Variants in PMPCB observed in about 807,000 individuals in gnomAD.
PMPCB encodes mitochondrial-processing peptidase subunit beta.
In PMPCB, 46 loss-of-function variants were observed where a neutral mutation model predicts 61.5. The ratio of observed to expected loss-of-function variants is 0.75; its 90% confidence interval spans 0.59 to 0.96. The LOEUF is 0.96. Among genes scored for constraint, PMPCB ranks in the 40% least tolerant of loss-of-function variants. The pLI is 0.00. For missense variants in PMPCB, 590 were observed against 602.4 expected (o/e 0.98, Z 0.22); for synonymous variants, 191 against 201.6 (o/e 0.95, Z 0.44).
At chr7:103,331,446 C>T (rs1818966254), downstream of PMPCB, among the ~76,000 whole-genome samples, 1 of 152,192 alleles carries the variant, frequency 6.6e-6, no homozygotes, top group Non-Finnish European at 1.5e-5. Context: ...CTACAGAACA[C>T]TGGGACTTAT....
chr7:103,318,588 CT>C (rs1202276601), downstream of PMPCB, among the ~76,000 whole-genome samples: 5 of 152,230 alleles, frequency 3.3e-5, no homozygotes, highest in African/African-American at 1.2e-4. Context: ...TCAGCATGTC[CT>C]TTGTGGTGCA....
chr7:103,313,180 T>C lies in PMPCB; in HGVS notation c.*909T>C. On this transcript the variant is annotated 3_prime_UTR_variant, in exon 13 of 13. Coordinates refer to ENST00000249269, the MANE Select transcript of PMPCB (RefSeq NM_004279.3). ...AGTCTTGTGGTCCACAAGTATTCGCTAAGTGCCCATTTCAATCTGGGATGT... is the reference window on the plus strand; with the variant it reads ...AGTCTTGTGGTCCACAAGTATTCGCCAAGTGCCCATTTCAATCTGGGATGT... 2 of 1,486,330 alleles carry C rather than the reference T, an allele frequency of 1.3e-6. No homozygotes were observed. Among genetic ancestry groups the C allele is most frequent in the South Asian group, 1.4e-5 (1 of 69,126 alleles). The allele number at this position is 1,486,330 out of a possible 1,614,324, so 92.1% of individuals were successfully genotyped here.
downstream of PMPCB, among the ~76,000 whole-genome samples, chr7:103,333,420 T>C (rs1424163190): frequency 2.0e-5 from 3 of 152,238 alleles, no homozygotes; most frequent in African/African-American, 7.2e-5. Context: ...ATAATTTTTA[T>C]TTCTGTCTAG....
chr7:103,298,758 A>G, intron 2 of PMPCB, 50 bp downstream of exon 2: 1 of 1,561,620 alleles, frequency 6.4e-7, no homozygotes, highest in Non-Finnish European at 8.7e-7. Context: ...TTAGCGTAGC[A>G]AATTGTTGAT....
chr7:103,335,050 T>G, the PMPCB span, among the ~76,000 whole-genome samples: 2 of 152,134 alleles, frequency 1.3e-5, no homozygotes, highest in Non-Finnish European at 1.5e-5. Flanking sequence ...GCCAGGCTGG[T>G]CTCGAACTCC....
In PMPCB at chr7:103,311,625, T is replaced by G. The variant is rs1817755008; in HGVS notation, c.1155-18T>G. On this transcript the variant is annotated intron_variant, in intron 9 of 12. Coordinates refer to ENST00000249269, the MANE Select transcript of PMPCB (RefSeq NM_004279.3). ...ATACAACATTTTCCAACTACTACTG[T>G]TTTTCCACGTTTTTTAGGATGCGAC... 4 of 1,599,734 alleles carry G rather than the reference T, an allele frequency of 2.5e-6. No individual in the cohort carries two copies. Among genetic ancestry groups the G allele is most frequent in the Non-Finnish European group, 3.4e-6 (4 of 1,169,792 alleles).
At chr7:103,301,906 C>T (rs927575878) in intron 4 of PMPCB, among the ~76,000 whole-genome samples, 1 of 152,056 alleles carries the variant, frequency 6.6e-6, no homozygotes, top group African/African-American at 2.4e-5. Context: ...CACCCGTTAA[C>T]TCGTCATTTA....
In PMPCB at chr7:103,313,964, C is replaced by A. The variant is rs921401240; in HGVS notation, c.*1693C>A. On this transcript the variant is annotated 3_prime_UTR_variant, in exon 13 of 13. Coordinates refer to ENST00000249269, the MANE Select transcript of PMPCB (RefSeq NM_004279.3). ...GCCTGACTACTACTAGAAACTGCGG[C>A]CTGTGAGATCTGTTAAAAGTTAAGC... 2.0e-6 allele frequency: 2 copies of A among 985,196 alleles called. No individual in the cohort carries two copies. The highest frequency in any genetic ancestry group is 2.4e-6 in the Non-Finnish European group (2 of 829,916). 61.0% of individuals were successfully genotyped at this position (985,196 alleles called of 1,614,324 possible).
chr7:103,307,720 C>T lies in PMPCB; in HGVS notation c.849+12C>T. The T allele has an allele frequency of 7.0e-7, 1 of 1,434,726 alleles. No individual in the cohort carries two copies. Among genetic ancestry groups the T allele is most frequent in the Non-Finnish European group, 9.8e-7 (1 of 1,016,704 alleles). 88.9% of individuals were successfully genotyped at this position (1,434,726 alleles called of 1,614,324 possible). A position where few individuals can be genotyped will look rare whatever the true frequency, so the allele number is the denominator to read the frequency against. On this transcript the variant is annotated intron_variant, in intron 7 of 12. Coordinates refer to ENST00000249269, the MANE Select transcript of PMPCB (RefSeq NM_004279.3). ...TCACAGGAAGTGAGGTAGGGCAAGCCTTCCAGCTAGTATTTAGCCTTTTGG... is the reference window on the plus strand; with the variant it reads ...TCACAGGAAGTGAGGTAGGGCAAGCTTTCCAGCTAGTATTTAGCCTTTTGG...
chr7:103,339,946 C>A, the PMPCB span, among the ~76,000 whole-genome samples: 1 of 152,186 alleles, frequency 6.6e-6, no homozygotes, highest in African/African-American at 2.4e-5. Flanking sequence ...TGAAGTGATT[C>A]TCCTGCCTCA....
chr7:103,343,080 A>T, the PMPCB span, among the ~76,000 whole-genome samples: 2 of 150,924 alleles, frequency 1.3e-5, no homozygotes, highest in African/African-American at 4.9e-5. Flanking sequence ...GCTCACTGCA[A>T]CCTCCGCCTC....
chr7:103,338,543 T>G, the PMPCB span, among the ~76,000 whole-genome samples: 1 of 151,552 alleles, frequency 6.6e-6, no homozygotes, highest in Non-Finnish European at 1.5e-5. Context: ...GTGATATACC[T>G]GCCTTGGCCT....
the PMPCB span, among the ~76,000 whole-genome samples, chr7:103,340,996 A>C: frequency 6.6e-6 from 1 of 152,184 alleles, no homozygotes; most frequent in Non-Finnish European, 1.5e-5. Flanking sequence ...CTCAAGCGCT[A>C]ATGCTGGGAA....
At chr7:103,304,259 TA>T in intron 5 of PMPCB, 151 bp from the exon 6 acceptor site, 1 of 660,148 alleles carries the variant, frequency 1.5e-6, no homozygotes, top group South Asian at 1.8e-5. Context: ...TTCTTTGATG[TA>T]AAAAAGGTGA....
chr7:103,315,720 G>C (rs898597557), downstream of PMPCB: 10 of 1,334,266 alleles, frequency 7.5e-6, no homozygotes, highest in African/African-American at 8.7e-5. Context: ...AAGCAGCACA[G>C]ATACATGGCT....
At chr7:103,334,290 G>C (rs1254525067), downstream of PMPCB, among the ~76,000 whole-genome samples, 1 of 151,552 alleles carries the variant, frequency 6.6e-6, no homozygotes, top group Non-Finnish European at 1.5e-5. Flanking sequence ...GGCTGGGCAC[G>C]GTGGCTCATG....
At chr7:103,319,738 G>A in intron 12 of PMPCB, 1 of 1,614,070 alleles carries the variant, frequency 6.2e-7, no homozygotes. Context: ...GACTTCAATA[G>A]CAGTTCCATA....
intron 5 of PMPCB, 124 bp downstream of exon 5, chr7:103,304,164 T>A: frequency 1.3e-6 from 1 of 791,654 alleles, no homozygotes. Flanking sequence ...AGTGAAACTG[T>A]AGTTAGCTAC....
intron 12 of PMPCB, chr7:103,324,424 A>AT: frequency 7.2e-7 from 1 of 1,379,716 alleles, no homozygotes; most frequent in African/African-American, 1.5e-5. Flanking sequence ...TCAAGTACTT[A>AT]TTGAATACTT....
Sources: gnomAD v4.1 joint callset for allele counts (sites outside exome capture counted in the v4.1 genomes callset) on GRCh38, gnomAD v4.1.1 for gene constraint, MANE v1.5 for transcripts, NCBI Gene and HGNC (gene_info 2026-07-23, HGNC 2026-07-21) for gene names.